The following PIGL variants were observed in gnomAD, a reference collection of about 807,000 sequenced individuals.
The protein encoded by PIGL is phosphatidylinositol glycan anchor biosynthesis class L.
Under a neutral mutation model 31.1 loss-of-function variants are expected in PIGL, and 22 were observed. That is an observed-to-expected ratio of 0.71 (90% CI 0.51 to 1.01). PIGL has a LOEUF of 1.01. Among genes scored for constraint, PIGL ranks in the 50% least tolerant of loss-of-function variants. The pLI is 0.00. For missense variants in PIGL, 302 were observed against 315.9 expected, an observed-to-expected ratio of 0.96 and a Z score of 0.33; for synonymous variants, 131 against 117.4, an observed-to-expected ratio of 1.12 and a Z score of -0.75.
At chr17:16,301,891 G>C (rs2093006508) in intron 3 of PIGL, among the ~76,000 whole-genome samples, 1 of 151,744 alleles carries the variant, frequency 6.6e-6, no homozygotes, top group Non-Finnish European at 1.5e-5. Flanking sequence ...TTTAGAGACA[G>C]GATCTTGCTG....
At chr17:16,290,384 CCACTCCTCTT>C (rs2092955398) in intron 2 of PIGL, among the ~76,000 whole-genome samples, 1 of 150,970 alleles carries the variant, frequency 6.6e-6, no homozygotes, top group Non-Finnish European at 1.5e-5. Context: ...TCCCCTTCCT[CCACTCCTCTT>C]CCCTTCTCTC....
chr17:16,224,172 G>A lies in PIGL; in HGVS notation c.235+6711G>A, dbSNP rs148422792. ...GGAGGTTGCAGTGAGCCAAGATTGCGCCACTGCACTCCAGCCTCTTGCTCT... is the reference window on the plus strand; with the variant it reads ...GGAGGTTGCAGTGAGCCAAGATTGCACCACTGCACTCCAGCCTCTTGCTCT... On this transcript the variant is annotated intron_variant, in intron 1 of 6. Coordinates refer to ENST00000225609, the MANE Select transcript of PIGL (RefSeq NM_004278.4). 8.7e-3 allele frequency among the ~76,000 whole-genome samples: 1,316 copies of A among 151,838 alleles called. 16 individuals carry two copies. Among genetic ancestry groups the A allele is most frequent in the Non-Finnish European group, 0.011 (754 of 67,972 alleles).
Position 16,313,598 on chromosome 17 carries a change from C to A in PIGL, c.478C>A (p.Leu160Met), listed in dbSNP as rs2093064125. 6.2e-7 allele frequency: 1 copy of A among 1,611,896 alleles called. No individual in the cohort carries two copies. The highest frequency in any genetic ancestry group is 1.3e-5 in the African/African-American group (1 of 75,012). ...AAGTGGCCACAGCAATCACATTGCT[C>A]TGTATGCAGCTGTGAGGTATGATTC... ...GVSGHSNHIA[L>M]YAAVRALHSE... The change falls in exon 4 of 7, where the codon CTG becomes ATG. Residue 160 changes from leucine (L) to methionine (M), a missense_variant. Transcript: ENST00000225609.
intron 6 of PIGL, among the ~76,000 whole-genome samples, chr17:16,323,259 G>A (rs1195630346): frequency 6.6e-6 from 1 of 151,418 alleles, no homozygotes; most frequent in Non-Finnish European, 1.5e-5. Flanking sequence ...CTGAGACAGA[G>A]TTTCACTCTT....
chr17:16,319,774 G>T (rs1268205038), intron 6 of PIGL, among the ~76,000 whole-genome samples: 1 of 150,604 alleles, frequency 6.6e-6, no homozygotes, highest in Non-Finnish European at 1.5e-5. Context: ...AAAAAAAAGA[G>T]CCCAGGGCAG....
chr17:16,301,358 G>A (rs568803754), intron 3 of PIGL, among the ~76,000 whole-genome samples: 65 of 151,570 alleles, frequency 4.3e-4, no homozygotes, highest in Middle Eastern at 6.8e-3. Flanking sequence ...TCCGCCTCCC[G>A]GGTTCAAGTG....
At chr17:16,250,512 T>A (rs1439362904) in intron 2 of PIGL, among the ~76,000 whole-genome samples, 1 of 152,102 alleles carries the variant, frequency 6.6e-6, no homozygotes, top group East Asian at 1.9e-4. Flanking sequence ...CACAGTTTAA[T>A]CCATAGCAAC....
intron 2 of PIGL, among the ~76,000 whole-genome samples, chr17:16,238,243 G>A (rs918265521): frequency 2.7e-5 from 4 of 148,592 alleles, no homozygotes; most frequent in Admixed American, 2.0e-4. Context: ...AGAAGGGGCT[G>A]GTATTATGGT....
chr17:16,217,406 A>G lies in PIGL; in HGVS notation c.180A>G (p.Thr60=). Residue 60 remains threonine (T), a synonymous_variant, in exon 1 of 7, where the codon ACA becomes ACG. Transcript: ENST00000225609. Reference sequence around the variant, plus strand: ...ATGAAGCCATGTTTTTTGCTCCCACAGTGCTAGGCTTGGCCCGCCTAAGGC... The same window carrying G: ...ATGAAGCCATGTTTTTTGCTCCCACGGTGCTAGGCTTGGCCCGCCTAAGGC... ...PDDEAMFFAP[T]VLGLARLRHW... 1 of 1,614,192 alleles carries G rather than the reference A, an allele frequency of 6.2e-7. No homozygotes were observed. Among genetic ancestry groups the G allele is most frequent in the Non-Finnish European group, 8.5e-7 (1 of 1,180,038 alleles).
rs548300611 is a variant in PIGL, at chr17:16,284,831, G to T, written c.336-15057G>T. Reference sequence around the variant, plus strand: ...TAATAATACTCCGGTCTCCATTACAGCTGGCTCTGCATGAATTAATTACAG... The same window carrying T: ...TAATAATACTCCGGTCTCCATTACATCTGGCTCTGCATGAATTAATTACAG... On this transcript the variant is annotated intron_variant, in intron 2 of 6. Transcript: ENST00000225609. Among the ~76,000 whole-genome samples the T allele has an allele frequency of 4.6e-5, 7 of 152,292 alleles. No homozygotes were observed. In the South Asian group the frequency reaches 1.4e-3, roughly 32 times the overall value.
intron 2 of PIGL, among the ~76,000 whole-genome samples, chr17:16,298,146 T>G (rs1490476439): frequency 6.6e-6 from 1 of 152,160 alleles, no homozygotes. Flanking sequence ...CATAAGGGGT[T>G]GGCAGATGAA....
chr17:16,302,067 T>C (rs1422939630), intron 3 of PIGL, among the ~76,000 whole-genome samples: 2 of 152,090 alleles, frequency 1.3e-5, no homozygotes, highest in African/African-American at 2.4e-5. Flanking sequence ...GAAATACAAC[T>C]GAAATTTAGT....
intron 6 of PIGL, 51 bp downstream of exon 6, chr17:16,317,959 C>CA: frequency 6.7e-7 from 1 of 1,494,324 alleles, no homozygotes; most frequent in Non-Finnish European, 9.2e-7. Context: ...TGCCCCAGAC[C>CA]CCTGTCTCCT....
intron 2 of PIGL, among the ~76,000 whole-genome samples, chr17:16,257,152 C>T (rs947503030): frequency 1.4e-4 from 22 of 152,106 alleles, no homozygotes; most frequent in African/African-American, 4.6e-4. Flanking sequence ...CACGGTGGCT[C>T]ATGCCTGTAA....
chr17:16,299,990 G>C lies in PIGL; in HGVS notation c.426+12G>C. 2 of 1,605,268 alleles carry C rather than the reference G, an allele frequency of 1.2e-6. No homozygotes were observed. The highest frequency in any genetic ancestry group is 1.7e-6 in the Non-Finnish European group (2 of 1,172,050). On this transcript the variant is annotated intron_variant, in intron 3 of 6. Transcript: ENST00000225609. ...ATGGCATCAATCTGGTAAGGGGGCA[G>C]CTCCCTGAATGGAAAACCTGAGGTC...
At chr17:16,291,595 G>A (rs573207412) in intron 2 of PIGL, among the ~76,000 whole-genome samples, 1 of 151,564 alleles carries the variant, frequency 6.6e-6, no homozygotes, top group African/African-American at 2.4e-5. Context: ...GCTGGGCGCA[G>A]TGGCTCACAC....
At chr17:16,322,341 C>A (rs542534210) in intron 6 of PIGL, among the ~76,000 whole-genome samples, 2 of 152,136 alleles carry the variant, frequency 1.3e-5, no homozygotes, top group South Asian at 4.2e-4. Flanking sequence ...GTGATCCACC[C>A]GGCTTGGCCT....
At chr17:16,229,099 C>T (rs2092666838) in intron 1 of PIGL, among the ~76,000 whole-genome samples, 1 of 151,756 alleles carries the variant, frequency 6.6e-6, no homozygotes, top group South Asian at 2.1e-4. Flanking sequence ...AGTGAGATTT[C>T]GTCTTTACAA....
intron 1 of PIGL, 147 bp from the exon 2 acceptor site, chr17:16,233,821 TGTC>T: frequency 1.7e-6 from 1 of 574,774 alleles, no homozygotes; most frequent in Admixed American, 3.0e-5. Flanking sequence ...AGTATCTTGG[TGTC>T]GTGTTTTCTT....
Sources: allele counts gnomAD v4.1 joint callset (sites outside exome capture counted in the v4.1 genomes callset), GRCh38; gene constraint gnomAD v4.1.1; transcripts MANE v1.5; gene names NCBI Gene and HGNC (gene_info 2026-07-23, HGNC 2026-07-21).